Variants in MEIS2 observed in about 807,000 individuals in gnomAD.
MEIS2 encodes Meis homeobox 2.
Under a neutral mutation model 58.6 loss-of-function variants are expected in MEIS2, and 9 were observed. The observed-to-expected ratio is 0.15, with a 90% CI of 0.09 to 0.27. MEIS2 has a LOEUF of 0.27. MEIS2 is among the 10% of genes least tolerant of loss of function. MEIS2 has a pLI of 1.00. For missense variants in MEIS2, 427 were observed against 635.0 expected (o/e 0.67, Z 3.52); for synonymous variants, 221 against 228.4 (o/e 0.97, Z 0.29).
chr15:37,021,957 T>C (rs557109985), intron 8 of MEIS2, among the ~76,000 whole-genome samples: 1 of 152,284 alleles, frequency 6.6e-6, no homozygotes, highest in East Asian at 1.9e-4. Context: ...TTTTGGAATA[T>C]AATTTTTAAT....
intron 7 of MEIS2, among the ~76,000 whole-genome samples, chr15:37,076,367 G>A (rs1437014812): frequency 1.3e-5 from 2 of 152,028 alleles, no homozygotes; most frequent in Non-Finnish European, 2.9e-5. Flanking sequence ...GCACCATAAG[G>A]CTGTGTTTGG....
Position 37,036,907 on chromosome 15 carries a change from A to T in MEIS2, c.807T>A (p.Asp269Glu). The T allele has an allele frequency of 1.2e-6, 2 of 1,613,830 alleles. No individual in the cohort carries two copies. Among genetic ancestry groups the T allele is most frequent in the South Asian group, 2.2e-5 (2 of 91,062 alleles). The change falls in exon 8 of 12, where the codon GAT becomes GAA. Residue 269 changes from aspartate to glutamate, a missense_variant. By Grantham distance (45) the Asp-to-Glu change is conservative. Transcript: ENST00000561208. Reference sequence around the variant, plus strand: ...TCTGGCGTTTTTTGTCCTTATCCGGATCATCATCGTCACCTGTACCAGGTG... The same window carrying T: ...TCTGGCGTTTTTTGTCCTTATCCGGTTCATCATCGTCACCTGTACCAGGTG... The part of the protein sequence containing the change: ...VASPGTGDDD[D>E]PDKDKKRQKK...
chr15:36,992,613 G>A (rs942108613), intron 8 of MEIS2, among the ~76,000 whole-genome samples: 2 of 152,108 alleles, frequency 1.3e-5, no homozygotes, highest in African/African-American at 4.8e-5. Flanking sequence ...TTCTCTCATC[G>A]AATCTAGGGT....
intron 1 of MEIS2, 81 bp downstream of exon 1, chr15:37,099,374 T>G: frequency 6.3e-7 from 1 of 1,590,950 alleles, no homozygotes; most frequent in African/African-American, 1.4e-5. Context: ...AGCAGAAGCG[T>G]TGAAGGGAGA....
intron 6 of MEIS2, among the ~76,000 whole-genome samples, chr15:37,086,480 G>T (rs554393801): frequency 6.6e-6 from 1 of 152,154 alleles, no homozygotes; most frequent in Non-Finnish European, 1.5e-5. Flanking sequence ...AAGAGCAGCT[G>T]GTTCTTCCAA....
rs754765192 is a variant in MEIS2, at chr15:37,099,514, C to A, written c.-48G>T. 1.7e-5 allele frequency: 28 copies of A among 1,612,688 alleles called. No individual in the cohort carries two copies. The highest frequency in any genetic ancestry group is 2.2e-5 in the East Asian group (1 of 44,868). ...CTGGATGTGTCGTATATTTAATATC[C>A]CAGTCCGGATAAGAAAGTGATCTAG... On this transcript the variant is annotated 5_prime_UTR_variant, in exon 1 of 12. Coordinates refer to ENST00000561208, the MANE Select transcript of MEIS2 (RefSeq NM_170675.5).
At chr15:37,008,823 C>T (rs914521761) in intron 8 of MEIS2, among the ~76,000 whole-genome samples, 1 of 152,102 alleles carries the variant, frequency 6.6e-6, no homozygotes, top group East Asian at 1.9e-4. Flanking sequence ...ACATAAGAAA[C>T]GACATTTTGT....
chr15:36,940,871 A>C lies in MEIS2; in HGVS notation c.977+9453T>G, dbSNP rs534330250. On this transcript the variant is annotated intron_variant, in intron 9 of 11. Transcript: ENST00000561208. Reference sequence around the variant, plus strand: ...ATAGAATCCATCTATGGATTTTAATAAGTAACCTATTATGTTCCCTTTGGT... The same window carrying C: ...ATAGAATCCATCTATGGATTTTAATCAGTAACCTATTATGTTCCCTTTGGT... 2.3e-4 allele frequency among the ~76,000 whole-genome samples: 35 copies of C among 152,316 alleles called. 1 individual carries two copies. Among genetic ancestry groups the C allele is most frequent in the Admixed American group, 8.5e-4 (13 of 15,298 alleles).
chr15:36,964,726 T>A (rs1022548813), intron 8 of MEIS2, among the ~76,000 whole-genome samples: 5 of 152,158 alleles, frequency 3.3e-5, no homozygotes, highest in Non-Finnish European at 5.9e-5. Flanking sequence ...AATACCCTAG[T>A]GGATAAACAT....
intron 9 of MEIS2, among the ~76,000 whole-genome samples, chr15:36,935,641 C>T (rs2058138804): frequency 6.6e-6 from 1 of 152,018 alleles, no homozygotes; most frequent in Admixed American, 6.5e-5. Flanking sequence ...TTATTTTTTT[C>T]TTTCTGAGAT....
At chr15:36,956,387 A>C (rs1396563319) in intron 8 of MEIS2, among the ~76,000 whole-genome samples, 1 of 152,126 alleles carries the variant, frequency 6.6e-6, no homozygotes, top group Non-Finnish European at 1.5e-5. Context: ...CTCTAACATT[A>C]ATATTTTTAA....
chr15:36,903,042 A>T (rs192328372), intron 9 of MEIS2, among the ~76,000 whole-genome samples: 35 of 152,264 alleles, frequency 2.3e-4, no homozygotes, highest in Admixed American at 1.2e-3. Flanking sequence ...ATCTTATTTG[A>T]CTAAGGTTTA....
chr15:36,992,835 C>T (rs1041408712), intron 8 of MEIS2, among the ~76,000 whole-genome samples: 4 of 151,984 alleles, frequency 2.6e-5, no homozygotes, highest in African/African-American at 9.7e-5. Flanking sequence ...CAGGTTTTCT[C>T]GCACGGATTT....
chr15:36,896,943 T>A, intron 9 of MEIS2: 1 of 382,322 alleles, frequency 2.6e-6, no homozygotes, highest in Non-Finnish European at 4.8e-6. Context: ...AAAGCTTCTA[T>A]TAACTTCAAA....
rs549036816 is a variant in MEIS2, at chr15:36,891,942, G to A, written c.*231C>T. 33 of 578,088 alleles carry A rather than the reference G, an allele frequency of 5.7e-5. No individual in the cohort carries two copies. Among genetic ancestry groups the A allele is most frequent in the Non-Finnish European group, 9.5e-5 (31 of 327,750 alleles). 35.8% of individuals were successfully genotyped at this position (578,088 alleles called of 1,614,324 possible). A position where few individuals can be genotyped will look rare whatever the true frequency, so the allele number is the denominator to read the frequency against. Reference sequence around the variant, plus strand: ...TTATACTACAGTAGTTATAACTCTCGGAGTCTTTTTCCAGAGGATCTTTAC... The same window carrying A: ...TTATACTACAGTAGTTATAACTCTCAGAGTCTTTTTCCAGAGGATCTTTAC... On this transcript the variant is annotated 3_prime_UTR_variant, in exon 12 of 12. Coordinates refer to ENST00000561208, the MANE Select transcript of MEIS2 (RefSeq NM_170675.5).
rs570109746 is a variant in MEIS2, at chr15:36,976,241, T to C, written c.901-25841A>G. Among the ~76,000 whole-genome samples, 867 of 151,888 alleles carry C rather than the reference T, an allele frequency of 5.7e-3. 4 individuals carry two copies. Among genetic ancestry groups the C allele is most frequent in the Non-Finnish European group, 9.1e-3 (621 of 67,924 alleles). ...CTGGGATTACAGGCGGCCACCACCA[T>C]GCCCAGCTAATTTTTTGTATTTTTA... On this transcript the variant is annotated intron_variant, in intron 8 of 11. Coordinates refer to ENST00000561208, the MANE Select transcript of MEIS2 (RefSeq NM_170675.5).
chr15:36,891,944 A>G lies in MEIS2; in HGVS notation c.*229T>C. The stretch of plus-strand genomic sequence containing the variant: ...ATACTACAGTAGTTATAACTCTCGG[A>G]GTCTTTTTCCAGAGGATCTTTACAT... On this transcript the variant is annotated 3_prime_UTR_variant, in exon 12 of 12. Coordinates refer to ENST00000561208, the MANE Select transcript of MEIS2 (RefSeq NM_170675.5). 5.1e-6 allele frequency: 3 copies of G among 585,084 alleles called. No individual in the cohort carries two copies. The highest frequency in any genetic ancestry group is 9.0e-6 in the Non-Finnish European group (3 of 331,928). The allele number at this position is 585,084 out of a possible 1,614,324, so 36.2% of individuals were successfully genotyped here.
In MEIS2 at chr15:37,059,370, A is replaced by G. The variant is rs569334644; in HGVS notation, c.755-22411T>C. On this transcript the variant is annotated intron_variant, in intron 7 of 11. Coordinates refer to ENST00000561208, the MANE Select transcript of MEIS2 (RefSeq NM_170675.5). Reference sequence around the variant, plus strand: ...ATTTATAAATTATATATTTAAGAGTAAAGTAAAATAGTCATGGCTGACATG... The same window carrying G: ...ATTTATAAATTATATATTTAAGAGTGAAGTAAAATAGTCATGGCTGACATG... Among the ~76,000 whole-genome samples, 10 of 152,356 alleles carry G rather than the reference A, an allele frequency of 6.6e-5. No individual in the cohort carries two copies. The East Asian group carries it at 1.9e-3, about 29-fold the overall frequency.
intron 8 of MEIS2, among the ~76,000 whole-genome samples, chr15:36,950,888 CACA>C (rs748926634): frequency 2.0e-5 from 3 of 152,052 alleles, no homozygotes; most frequent in Non-Finnish European, 2.9e-5. Context: ...AGTATATAAT[CACA>C]ACTATTCTTG....
Sources: gnomAD v4.1 joint callset for allele counts (sites outside exome capture counted in the v4.1 genomes callset) on GRCh38, gnomAD v4.1.1 for gene constraint, MANE v1.5 for transcripts, NCBI Gene and HGNC (gene_info 2026-07-23, HGNC 2026-07-21) for gene names.